The following SH2B3 variants were observed in gnomAD, a reference collection of about 807,000 sequenced individuals.
SH2B3 encodes SH2B adaptor protein 3.
A neutral mutation model predicts 51.9 loss-of-function variants in SH2B3; 43 were observed. The ratio of observed to expected loss-of-function variants is 0.83; its 90% CI spans 0.65 to 1.07. The LOEUF is 1.07. SH2B3 is among the 50% of genes least tolerant of loss of function. The pLI is 0.00. For missense variants in SH2B3, 952 were observed against 834.3 expected (o/e 1.14, Z -1.74); for synonymous variants, 396 against 376.0 (o/e 1.05, Z -0.62).
At chr12:111,446,254 AG>A (rs1179217566) in intron 2 of SH2B3, among the ~76,000 whole-genome samples, 2 of 152,332 alleles carry the variant, frequency 1.3e-5, no homozygotes, top group Non-Finnish European at 1.5e-5. Flanking sequence ...CTGCTGGCAA[AG>A]GAACAGTGGC....
chr12:111,422,026 G>A (rs906261153), intron 2 of SH2B3, among the ~76,000 whole-genome samples: 4 of 152,282 alleles, frequency 2.6e-5, no homozygotes, highest in East Asian at 3.9e-4. Context: ...CGAGAGTTCC[G>A]GGTGGTTCCA....
rs1593061962 is a variant in SH2B3 at position 111,435,939 on chromosome 12, T to G, written c.733-10814T>G. Among the ~76,000 whole-genome samples, 2 of 151,444 alleles carry G rather than the reference T, an allele frequency of 1.3e-5. No individual in the cohort carries two copies. Among genetic ancestry groups the G allele is most frequent in the Admixed American group, 1.3e-4 (2 of 15,226 alleles). ...GGCAGCTGGCATGCAGCAGGGGAGG[T>G]GTGCTGGGACCAGGCCTGGAGTGGG... On this transcript the variant is annotated intron_variant, in intron 2 of 7. Transcript: ENST00000341259. The surrounding 1 kb of genome is among the most constrained non-coding windows in gnomAD (Gnocchi z 4.8).
At chr12:111,443,586 A>G (rs967372483) in intron 2 of SH2B3, 6 of 152,166 alleles carry the variant, frequency 3.9e-5, no homozygotes, top group Admixed American at 3.9e-4. Context: ...TATTACGTGG[A>G]ATTTATTGCA....
chr12:111,420,969 T>C (rs1871502483), intron 2 of SH2B3, among the ~76,000 whole-genome samples: 1 of 152,278 alleles, frequency 6.6e-6, no homozygotes, highest in Admixed American at 6.5e-5. Flanking sequence ...TCTGAAGCTC[T>C]GTGTTTCCGT....
intron 1 of SH2B3, among the ~76,000 whole-genome samples, chr12:111,417,537 G>A (rs368265707): frequency 1.7e-4 from 26 of 151,294 alleles, no homozygotes; most frequent in African/African-American, 6.1e-4. Context: ...TTCAATGGCT[G>A]ATCATGGCTT....
At chr12:111,437,918 C>T (rs1873030780) in intron 2 of SH2B3, among the ~76,000 whole-genome samples, 1 of 152,186 alleles carries the variant, frequency 6.6e-6, no homozygotes, top group East Asian at 1.9e-4. Flanking sequence ...CAGGGCTGGG[C>T]CTCAGCTGGC....
Position 111,446,998 on chromosome 12 carries a change from A to G in SH2B3, c.891A>G (p.Ser297=), listed in dbSNP as rs1874041338. 2 of 1,614,090 alleles carry G rather than the reference A, an allele frequency of 1.2e-6. No homozygotes were observed. The highest frequency in any genetic ancestry group is 8.5e-7 in the Non-Finnish European group (1 of 1,179,984). The change falls in exon 4 of 8, where the codon TCA becomes TCG. Residue 297 remains serine, a synonymous_variant. Coordinates refer to ENST00000341259, the MANE Select transcript of SH2B3 (RefSeq NM_005475.3). ...TGGGAGACGAGCAGCAGCTGAATTC[A>G]TGGATGGCTGAGCTCTCGGAGTGCA... ...FEVGDEQQLN[S]WMAELSECTG...
In SH2B3 at chr12:111,435,185, C is replaced by T. The variant is rs768568304; in HGVS notation, c.733-11568C>T. Among the ~76,000 whole-genome samples, 1 of 152,208 alleles carries T rather than the reference C, an allele frequency of 6.6e-6. No individual in the cohort carries two copies. The highest frequency in any genetic ancestry group is 2.4e-5 in the African/African-American group (1 of 41,468). On this transcript the variant is annotated intron_variant, in intron 2 of 7. Coordinates refer to ENST00000341259, the MANE Select transcript of SH2B3 (RefSeq NM_005475.3). The surrounding 1 kb of genome is among the most constrained non-coding windows in gnomAD (Gnocchi z 4.8). ...ACCCACACCCGGTGCAGAGCAGATG[C>T]TTGGCCGGGGCTTCCCCGAGCTGGT...
rs532007543 is a variant in SH2B3, at chr12:111,438,192, C to T, written c.733-8561C>T. On this transcript the variant is annotated intron_variant, in intron 2 of 7. Transcript: ENST00000341259. This position sits in a 1 kb window ranked among gnomAD's most constrained non-coding sequence, Gnocchi z 4.2. ...GCAGGGGAAGGTGTGGGCGGGAAGGCGGCTGGAGGGAGACCAGGTGTTGGG... is the reference window on the plus strand; with the variant it reads ...GCAGGGGAAGGTGTGGGCGGGAAGGTGGCTGGAGGGAGACCAGGTGTTGGG... Among the ~76,000 whole-genome samples, 3 of 149,412 alleles carry T rather than the reference C, an allele frequency of 2.0e-5. No individual in the cohort carries two copies. Among genetic ancestry groups the T allele is most frequent in the East Asian group, 3.9e-4 (2 of 5,084 alleles).
At chr12:111,436,235 G>T (rs971129341) in intron 2 of SH2B3, among the ~76,000 whole-genome samples, 1 of 152,204 alleles carries the variant, frequency 6.6e-6, no homozygotes, top group Non-Finnish European at 1.5e-5. Context: ...GAGGGAAAAG[G>T]CCCTGGGGGT....
At position 111,447,945 on chromosome 12, in the gene SH2B3, A is replaced by G. The variant is rs747450925; in HGVS notation, c.1409-38A>G. On this transcript the variant is annotated intron_variant, in intron 7 of 7. Transcript: ENST00000341259. The stretch of plus-strand genomic sequence containing the variant: ...CTGTGTCCTGTCAGCACTTGCCTCA[A>G]GACTGATGGTGTGGTCTCTCTTGGT... The G allele has an allele frequency of 3.2e-6, 5 of 1,565,638 alleles. No homozygotes were observed. The East Asian group carries it at 9.0e-5, about 28-fold the overall frequency.
Position 111,446,760 on chromosome 12 carries a change from G to C in SH2B3, c.740G>C (p.Arg247Thr). The C allele has an allele frequency of 1.3e-6, 2 of 1,541,902 alleles. No individual in the cohort carries two copies. Among genetic ancestry groups the C allele is most frequent in the Non-Finnish European group, 1.8e-6 (2 of 1,142,742 alleles). The part of the protein sequence containing the change: ...LELFDPPKSS[R>T]PKLQAACSSI... The stretch of plus-strand genomic sequence containing the variant: ...CCCAACTTGGTCTCGTAGAGTTCAA[G>C]GCCCAAGCTACAAGCAGCTTGCTCC... The change falls in exon 3 of 8, where the codon AGG becomes ACG. Residue 247 changes from arginine (R) to threonine (T), a missense_variant. Transcript: ENST00000341259.
In SH2B3 at chr12:111,418,610, A is replaced by G; in HGVS notation, c.465A>G (p.Pro155=). The G allele has an allele frequency of 6.7e-7, 1 of 1,488,954 alleles. No individual in the cohort carries two copies. Among genetic ancestry groups the G allele is most frequent in the Non-Finnish European group, 8.9e-7 (1 of 1,127,950 alleles). 92.2% of individuals were successfully genotyped at this position (1,488,954 alleles called of 1,614,324 possible). Residue 155 remains proline (P), a synonymous_variant, in exon 2 of 8, where the codon CCA becomes CCG. Coordinates refer to ENST00000341259, the MANE Select transcript of SH2B3 (RefSeq NM_005475.3). The surrounding 1 kb of genome is among the most constrained non-coding windows in gnomAD (Gnocchi z 6.7). ...GCCGCCGCTCGGCCGGGGAGCTGCCAGCGGCCCACACCGCTGCCGCCCCCG... is the reference window on the plus strand; with the variant it reads ...GCCGCCGCTCGGCCGGGGAGCTGCCGGCGGCCCACACCGCTGCCGCCCCCG... ...IFRRRSAGEL[P]AAHTAAAPGT...
rs1358460750 is a variant in SH2B3, at chr12:111,428,504, G to A, written c.732+9627G>A. ...AAAATGGGAAGTGTCATGGGGGGCA[G>A]GCTACGGTAAGCACTGATAGGGCAG... On this transcript the variant is annotated intron_variant, in intron 2 of 7. Coordinates refer to ENST00000341259, the MANE Select transcript of SH2B3 (RefSeq NM_005475.3). Among the ~76,000 whole-genome samples the A allele has an allele frequency of 5.3e-5, 8 of 152,352 alleles. No homozygotes were observed. The South Asian group carries it at 1.7e-3, about 32-fold the overall frequency.
In SH2B3 at chr12:111,418,528, G is replaced by A; in HGVS notation, c.383G>A (p.Arg128Gln). The A allele has an allele frequency of 1.4e-6, 2 of 1,398,904 alleles. No individual in the cohort carries two copies. Among genetic ancestry groups the A allele is most frequent in the East Asian group, 3.4e-5 (1 of 29,494 alleles). The allele number at this position is 1,398,904 out of a possible 1,614,324, so 86.7% of individuals were successfully genotyped here. Residue 128 changes from arginine (R) to glutamine (Q), a missense_variant, in exon 2 of 8, where the codon CGG becomes CAG. By Grantham distance (43) the Arg-to-Gln change is conservative. Transcript: ENST00000341259. The surrounding 1 kb of genome is among the most constrained non-coding windows in gnomAD (Gnocchi z 6.7). ...AGCTCTGAGGAGCTGGCCCCGCCGC[G>A]GCCGCCCGGGCCCTGCTCCTTCCAG... is the stretch of plus-strand genomic sequence containing the variant. ...ARSSEELAPP[R>Q]PPGPCSFQHF...
chr12:111,420,172 A>G (rs1411677735), intron 2 of SH2B3, among the ~76,000 whole-genome samples: 1 of 152,152 alleles, frequency 6.6e-6, no homozygotes, highest in Non-Finnish European at 1.5e-5. Flanking sequence ...CAAGTTAAAA[A>G]GAATTTGTCC....
rs1330672309 is a variant in SH2B3, at chr12:111,435,689, G to C, written c.733-11064G>C. 1.3e-5 allele frequency among the ~76,000 whole-genome samples: 2 copies of C among 152,174 alleles called. No individual in the cohort carries two copies. Among genetic ancestry groups the C allele is most frequent in the Non-Finnish European group, 2.9e-5 (2 of 68,028 alleles). On this transcript the variant is annotated intron_variant, in intron 2 of 7. Transcript: ENST00000341259. This position sits in a 1 kb window ranked among gnomAD's most constrained non-coding sequence, Gnocchi z 4.8. ...GCCAGGCTTGCCCCCTCCCTGCCAA[G>C]GGAGCTGCTTGCTCTCCCTTCTGTC...
chr12:111,419,367 TG>T (rs1375307589), intron 2 of SH2B3, among the ~76,000 whole-genome samples: 2 of 152,030 alleles, frequency 1.3e-5, no homozygotes, highest in Non-Finnish European at 2.9e-5. Flanking sequence ...CCAGGTGCAG[TG>T]GGTCACGCCT....
intron 2 of SH2B3, among the ~76,000 whole-genome samples, chr12:111,445,403 A>G (rs1395165168): frequency 2.6e-5 from 4 of 152,212 alleles, no homozygotes; most frequent in African/African-American, 9.6e-5. Flanking sequence ...CTCCCTGCAC[A>G]CTGCGCTGTG....
Sources: gnomAD v4.1 joint callset for allele counts (sites outside exome capture counted in the v4.1 genomes callset) on GRCh38, gnomAD v4.1.1 for gene constraint, Gnocchi (gnomAD v3.1) non-coding constraint, MANE v1.5 for transcripts, NCBI Gene and HGNC (gene_info 2026-07-23, HGNC 2026-07-21) for gene names.